Variants in PTPN3 observed in about 807,000 individuals in gnomAD.
PTPN3 encodes protein tyrosine phosphatase non-receptor type 3.
Under a neutral mutation model 132.7 loss-of-function variants are expected in PTPN3, and 96 were observed. The ratio of observed to expected loss-of-function variants is 0.72; its 90% confidence interval spans 0.61 to 0.86. PTPN3 has a LOEUF of 0.86. Among genes scored for constraint, PTPN3 ranks in the 40% least tolerant of loss-of-function variants. PTPN3 has a pLI of 0.00. For missense variants in PTPN3, 1,125 were observed against 1,159.6 expected (o/e 0.97, Z 0.43); for synonymous variants, 398 against 429.0 (o/e 0.93, Z 0.89).
In PTPN3 at chr9:109,404,624, C is replaced by A; in HGVS notation, c.1793-16G>T. On this transcript the variant is annotated splice_polypyrimidine_tract_variant and intron_variant, in intron 18 of 25. Coordinates refer to ENST00000374541, the MANE Select transcript of PTPN3 (RefSeq NM_002829.4). ...GAGCGGACAGCTGTAACGTACAAGACAGTGCATCTGACTTGTGTAGCAATA... is the reference window on the plus strand; with the variant it reads ...GAGCGGACAGCTGTAACGTACAAGAAAGTGCATCTGACTTGTGTAGCAATA... 2 of 1,458,120 alleles carry A rather than the reference C, an allele frequency of 1.4e-6. No homozygotes were observed. Among genetic ancestry groups the A allele is most frequent in the Non-Finnish European group, 1.8e-6 (2 of 1,086,284 alleles). The allele number at this position is 1,458,120 out of a possible 1,614,324, so 90.3% of individuals were successfully genotyped here. A position where few individuals can be genotyped will look rare whatever the true frequency, so the allele number is the denominator to read the frequency against.
chr9:109,510,522 C>T, the PTPN3 span, among the ~76,000 whole-genome samples: 79,673 of 140,192 alleles, frequency 0.57, 23,197 homozygotes, highest in East Asian at 0.89. Flanking sequence ...TGCGCCATTG[C>T]ACTCCAGCCT....
chr9:109,417,022 G>A (rs949507398), intron 14 of PTPN3, among the ~76,000 whole-genome samples: 1 of 152,142 alleles, frequency 6.6e-6, no homozygotes, highest in African/African-American at 2.4e-5. Context: ...TTTTATCTGG[G>A]TGGAGAGTGG....
intron 10 of PTPN3, chr9:109,429,159 C>T (rs1843492072): frequency 1.7e-6 from 1 of 586,164 alleles, no homozygotes; most frequent in Non-Finnish European, 2.1e-6. Flanking sequence ...TTTTTAGATA[C>T]TAGGCTGCTA....
chr9:109,496,199 T>A (rs1564491386), intron 1 of PTPN3, among the ~76,000 whole-genome samples: 1 of 152,240 alleles, frequency 6.6e-6, no homozygotes, highest in East Asian at 1.9e-4. Flanking sequence ...TGCAAATTGG[T>A]ATTCCATTAA....
At chr9:109,445,391 A>T in intron 6 of PTPN3, 99 bp from the exon 7 acceptor site, 2 of 1,096,616 alleles carry the variant, frequency 1.8e-6, no homozygotes, top group Non-Finnish European at 2.8e-6. Context: ...CTTTGCTTTG[A>T]TCAACCATTA....
chr9:109,396,939 A>G (rs1396472634), intron 19 of PTPN3, among the ~76,000 whole-genome samples: 2 of 152,228 alleles, frequency 1.3e-5, no homozygotes, highest in Non-Finnish European at 2.9e-5. Flanking sequence ...TCACACCCCC[A>G]ACTGGCTCTA....
intron 19 of PTPN3, among the ~76,000 whole-genome samples, chr9:109,394,943 T>C (rs1363464613): frequency 4.0e-5 from 6 of 151,752 alleles, no homozygotes; most frequent in Non-Finnish European, 7.4e-5. Context: ...ATTGAGACCA[T>C]CCAGGCTAAC....
At chr9:109,483,516 T>C (rs567940191) in intron 1 of PTPN3, among the ~76,000 whole-genome samples, 11 of 152,134 alleles carry the variant, frequency 7.2e-5, no homozygotes, top group Non-Finnish European at 5.9e-5. Context: ...CAGCTTTCCA[T>C]GTGGGGAGTG....
intron 21 of PTPN3, among the ~76,000 whole-genome samples, 189 bp downstream of exon 21, chr9:109,390,949 T>G (rs1436805488): frequency 6.6e-6 from 1 of 152,180 alleles, no homozygotes; most frequent in African/African-American, 2.4e-5. Context: ...TTATTTTAAC[T>G]CTCCGAACCT....
chr9:109,534,675 G>A, the PTPN3 span, among the ~76,000 whole-genome samples: 1 of 148,830 alleles, frequency 6.7e-6, no homozygotes. Context: ...GGTAGCTTGC[G>A]CCTGTAATCC....
chr9:109,414,171 A>G (rs1371829318), intron 14 of PTPN3, among the ~76,000 whole-genome samples: 3 of 152,210 alleles, frequency 2.0e-5, no homozygotes, highest in Non-Finnish European at 4.4e-5. Context: ...AGTTACTCTA[A>G]AAGAGCAAGG....
chr9:109,387,564 C>A (rs941184946), intron 22 of PTPN3, among the ~76,000 whole-genome samples: 1 of 152,166 alleles, frequency 6.6e-6, no homozygotes, highest in African/African-American at 2.4e-5. Flanking sequence ...GGCAGCCAGT[C>A]CAGGGTAGCT....
chr9:109,462,018 C>T (rs1000566389), intron 2 of PTPN3, among the ~76,000 whole-genome samples: 1 of 152,196 alleles, frequency 6.6e-6, no homozygotes, highest in African/African-American at 2.4e-5. Context: ...CTGGAGTTTT[C>T]ACTTGTTACA....
chr9:109,529,811 A>T, the PTPN3 span, among the ~76,000 whole-genome samples: 38 of 152,340 alleles, frequency 2.5e-4, no homozygotes, highest in Admixed American at 2.4e-3. Flanking sequence ...ACAACAACAC[A>T]TCATCTAACA....
At chr9:109,398,482 CAG>C (rs1840778133) in intron 19 of PTPN3, among the ~76,000 whole-genome samples, 1 of 152,130 alleles carries the variant, frequency 6.6e-6, no homozygotes, top group African/African-American at 2.4e-5. Context: ...AAAGTAAAAA[CAG>C]GGGCCAGAAG....
intron 1 of PTPN3, among the ~76,000 whole-genome samples, chr9:109,481,328 G>C (rs1846949623): frequency 6.6e-6 from 1 of 152,154 alleles, no homozygotes; most frequent in African/African-American, 2.4e-5. Flanking sequence ...AGGTTAGTTT[G>C]AACTGCTTCA....
rs139286428 is a variant in PTPN3 at position 109,419,411 on chromosome 9, G to A, written c.1313+1013C>T. ...CGTGCCTGCTTGCTAATCCTCAGCTGTTAGGGGGGCCATTATCTTACTATA... is the reference window on the plus strand; with the variant it reads ...CGTGCCTGCTTGCTAATCCTCAGCTATTAGGGGGGCCATTATCTTACTATA... On this transcript the variant is annotated intron_variant, in intron 14 of 25. Transcript: ENST00000374541. Among the ~76,000 whole-genome samples the A allele has an allele frequency of 1.7e-3, 257 of 152,302 alleles. 1 individual carries two copies. Among genetic ancestry groups the A allele is most frequent in the Admixed American group, 3.7e-3 (57 of 15,302 alleles).
At chr9:109,418,378 T>C (rs1056049984) in intron 14 of PTPN3, among the ~76,000 whole-genome samples, 1 of 152,216 alleles carries the variant, frequency 6.6e-6, no homozygotes, top group Non-Finnish European at 1.5e-5. Context: ...CTGGCACTGA[T>C]TGCATAAAGA....
At chr9:109,472,250 C>T (rs919237629) in intron 1 of PTPN3, among the ~76,000 whole-genome samples, 3 of 152,200 alleles carry the variant, frequency 2.0e-5, no homozygotes, top group African/African-American at 7.2e-5. Context: ...TCACATCATT[C>T]ACCAACACCA....
Sources: gnomAD v4.1 joint callset for allele counts (sites outside exome capture counted in the v4.1 genomes callset) on GRCh38, gnomAD v4.1.1 for gene constraint, MANE v1.5 for transcripts, NCBI Gene and HGNC (gene_info 2026-07-23, HGNC 2026-07-21) for gene names.